The following EEIG2 variants were observed in gnomAD, a reference collection of about 807,000 sequenced individuals.
EEIG2 encodes the protein family with sequence similarity 102 member B.
chr1:108,626,975 T>TA, the EEIG2 span: 1 of 152,254 alleles, frequency 6.6e-6, no homozygotes, highest in South Asian at 2.1e-4. Flanking sequence ...TTTTTGTACT[T>TA]ACCACATTGT....
At chr1:108,628,755 A>G in the EEIG2 span, 2 of 1,613,462 alleles carry the variant, frequency 1.2e-6, no homozygotes, top group Non-Finnish European at 8.5e-7. Flanking sequence ...ATGACATTGT[A>G]GAGAAAATAT....
chr1:108,605,230 A>G, the EEIG2 span, among the ~76,000 whole-genome samples: 3 of 152,094 alleles, frequency 2.0e-5, no homozygotes, highest in Non-Finnish European at 4.4e-5. Context: ...ATCTGGAGAA[A>G]ATTTTGTTTT....
At chr1:108,573,974 T>C in the EEIG2 span, among the ~76,000 whole-genome samples, 1 of 152,216 alleles carries the variant, frequency 6.6e-6, no homozygotes, top group Non-Finnish European at 1.5e-5. Flanking sequence ...GAAAACAGTA[T>C]GGTGGTCCCT....
chr1:108,603,888 T>G, the EEIG2 span, among the ~76,000 whole-genome samples: 1 of 152,186 alleles, frequency 6.6e-6, no homozygotes, highest in African/African-American at 2.4e-5. Context: ...TTACCATAAC[T>G]GAAGAGAGCA....
chr1:108,569,592 G>T, the EEIG2 span, among the ~76,000 whole-genome samples: 2 of 152,122 alleles, frequency 1.3e-5, no homozygotes, highest in Non-Finnish European at 2.9e-5. Flanking sequence ...TAAACTGCTG[G>T]GATTACAGGT....
chr1:108,598,635 T>C, the EEIG2 span, among the ~76,000 whole-genome samples: 3 of 152,090 alleles, frequency 2.0e-5, no homozygotes, highest in Non-Finnish European at 4.4e-5. Flanking sequence ...ACTTAAGGGT[T>C]CCTAAGGAAA....
At chr1:108,589,995 A>T in the EEIG2 span, among the ~76,000 whole-genome samples, 2 of 151,768 alleles carry the variant, frequency 1.3e-5, no homozygotes, top group African/African-American at 4.8e-5. Flanking sequence ...ACCACCTTTG[A>T]GTTCTAGGTC....
chr1:108,617,806 G>A, the EEIG2 span, among the ~76,000 whole-genome samples: 3 of 152,230 alleles, frequency 2.0e-5, no homozygotes, highest in East Asian at 1.9e-4. Flanking sequence ...ATGAAGAAAC[G>A]GCCTCAGAAA....
At chr1:108,568,950 A>T in the EEIG2 span, among the ~76,000 whole-genome samples, 39 of 152,300 alleles carry the variant, frequency 2.6e-4, no homozygotes, top group African/African-American at 8.4e-4. Flanking sequence ...ACTGAATTAG[A>T]ATAAAGGGAG....
At chr1:108,616,494 T>C in the EEIG2 span, 1 of 1,090,748 alleles carries the variant, frequency 9.2e-7, no homozygotes, top group Non-Finnish European at 1.4e-6. Flanking sequence ...TTGTTTAAAT[T>C]TTTACATTAA....
chr1:108,591,819 CG>C, the EEIG2 span, among the ~76,000 whole-genome samples: 1 of 151,300 alleles, frequency 6.6e-6, no homozygotes, highest in East Asian at 1.9e-4. Flanking sequence ...CTGGTGAGTG[CG>C]GGAAGTTGAA....
the EEIG2 span, among the ~76,000 whole-genome samples, chr1:108,612,768 C>T: frequency 1.2e-4 from 19 of 152,162 alleles, no homozygotes; most frequent in Admixed American, 5.2e-4. Flanking sequence ...GTAATGAGTG[C>T]GAATGTATAC....
At chr1:108,617,494 C>A in the EEIG2 span, among the ~76,000 whole-genome samples, 2 of 152,192 alleles carry the variant, frequency 1.3e-5, no homozygotes, top group Non-Finnish European at 2.9e-5. Context: ...CCCTATTTAA[C>A]ATCCAGCGGG....
the EEIG2 span, among the ~76,000 whole-genome samples, chr1:108,594,495 A>G: frequency 6.6e-6 from 1 of 152,146 alleles, no homozygotes; most frequent in Non-Finnish European, 1.5e-5. Context: ...CTGCTGAGTG[A>G]CCTTTGACAA....
chr1:108,600,295 TTGAA>T, the EEIG2 span, among the ~76,000 whole-genome samples: 2 of 152,198 alleles, frequency 1.3e-5, no homozygotes, highest in Non-Finnish European at 2.9e-5. Context: ...ACATTATGTG[TTGAA>T]TGAATGAATG....
the EEIG2 span, chr1:108,624,927 A>G: frequency 1.7e-6 from 1 of 573,880 alleles, no homozygotes; most frequent in South Asian, 2.5e-5. Context: ...GTGCTCTGAC[A>G]GATTAAAAAC....
At chr1:108,565,731 G>T in the EEIG2 span, among the ~76,000 whole-genome samples, 2 of 152,072 alleles carry the variant, frequency 1.3e-5, no homozygotes, top group African/African-American at 2.4e-5. Context: ...TCTATGTATT[G>T]GACCTTTTAC....
the EEIG2 span, among the ~76,000 whole-genome samples, chr1:108,590,683 T>G: frequency 6.6e-6 from 1 of 152,238 alleles, no homozygotes; most frequent in Non-Finnish European, 1.5e-5. Flanking sequence ...CTGGATCCTT[T>G]AAGCTCTTAA....
the EEIG2 span, chr1:108,637,023 A>G: frequency 6.6e-6 from 1 of 152,238 alleles, no homozygotes; most frequent in South Asian, 2.1e-4. Flanking sequence ...CAGTGAGGAC[A>G]TTCATCAGAC....
Sources: allele counts gnomAD v4.1 joint callset (sites outside exome capture counted in the v4.1 genomes callset), GRCh38; gene constraint gnomAD v4.1.1; transcripts MANE v1.5; gene names NCBI Gene and HGNC (gene_info 2026-07-23, HGNC 2026-07-21).